Variants in NEU2 observed in about 807,000 individuals in gnomAD.
NEU2 encodes sialidase-2.
In NEU2, 7 loss-of-function variants were observed where a neutral mutation model predicts 6.3. The observed-to-expected ratio is 1.12, with a 90% CI of 0.63 to 2.10. NEU2 has a LOEUF of 2.10. Ranked by LOEUF, NEU2 falls within the 30% of genes most tolerant of loss-of-function variation. The pLI, the probability that NEU2 is intolerant of heterozygous loss-of-function variation, is 0.00. For synonymous variants in NEU2, 208 were observed against 223.3 expected (o/e 0.93, Z 0.61); for missense variants, 509 against 504.0 (o/e 1.01, Z -0.09).
intron 1 of NEU2, 59 bp downstream of exon 1, chr2:233,032,931 T>G: frequency 6.6e-7 from 1 of 1,509,252 alleles, no homozygotes; most frequent in Non-Finnish European, 9.0e-7. Flanking sequence ...TTTGCTGCTG[T>G]GATCAGGGGC....
Position 233,034,805 on chromosome 2 carries a change from C to T in NEU2, c.891C>T (p.His297=), listed in dbSNP as rs776052047. 176 of 1,579,778 alleles carry T rather than the reference C, an allele frequency of 1.1e-4. No homozygotes were observed. Among genetic ancestry groups the T allele is most frequent in the South Asian group, 2.2e-4 (19 of 84,742 alleles). ...CAGCCCAGTGGCTGCTCTACACTCA[C>T]CCCACACACTCCTGGCAGAGGGCCG... ...GSPAQWLLYT[H]PTHSWQRADL... is the part of the protein sequence containing the mutation. The change falls in exon 2 of 2, where the codon CAC becomes CAT. Residue 297 remains histidine (H), a synonymous_variant. Coordinates refer to ENST00000233840, the MANE Select transcript of NEU2 (RefSeq NM_005383.2). The surrounding 1 kb of genome is among the most constrained non-coding windows in gnomAD (Gnocchi z 4.8).
Position 233,034,383 on chromosome 2 carries a change from T to C in NEU2, c.469T>C (p.Phe157Leu), listed in dbSNP as rs925594210. ...IGPAYREWSTFAVGPGHCLQL... is the reference protein window; with the variant it reads ...IGPAYREWSTLAVGPGHCLQL... ...CCCAGCCTACCGGGAGTGGTCCACC[T>C]TTGCAGTGGGCCCGGGGCATTGTTT... The change falls in exon 2 of 2, where the codon TTT becomes CTT. Residue 157 changes from phenylalanine (F) to leucine (L), a missense_variant. Coordinates refer to ENST00000233840, the MANE Select transcript of NEU2 (RefSeq NM_005383.2). This position sits in a 1 kb window ranked among gnomAD's most constrained non-coding sequence, Gnocchi z 4.8. 5 of 1,613,850 alleles carry C rather than the reference T, an allele frequency of 3.1e-6. No homozygotes were observed. The East Asian group carries it at 1.1e-4, about 36-fold the overall frequency.
Position 233,033,000 on chromosome 2 carries a change from A to G in NEU2, c.201+128A>G, listed in dbSNP as rs1406344564. 11 of 1,015,762 alleles carry G rather than the reference A, an allele frequency of 1.1e-5. No homozygotes were observed. The African/African-American group carries it at 1.8e-4, about 16-fold the overall frequency. The allele number at this position is 1,015,762 out of a possible 1,614,324, so 62.9% of individuals were successfully genotyped here. ...TTATCCCTCAATGGCTGTACTCCGG[A>G]GGAGAGATAGAGCAGAGAAAGTGCC... On this transcript the variant is annotated intron_variant, in intron 1 of 1. Coordinates refer to ENST00000233840, the MANE Select transcript of NEU2 (RefSeq NM_005383.2).
At position 233,034,970 on chromosome 2, in the gene NEU2, T is replaced by C. The variant is rs1690571654; in HGVS notation, c.1056T>C (p.Cys352=). 1 of 1,614,170 alleles carries C rather than the reference T, an allele frequency of 6.2e-7. No individual in the cohort carries two copies. The highest frequency in any genetic ancestry group is 8.5e-7 in the Non-Finnish European group (1 of 1,180,014). The change falls in exon 2 of 2, where the codon TGT becomes TGC. Residue 352 remains cysteine, a synonymous_variant. Coordinates refer to ENST00000233840, the MANE Select transcript of NEU2 (RefSeq NM_005383.2). This position sits in a 1 kb window ranked among gnomAD's most constrained non-coding sequence, Gnocchi z 4.8. ...CTGATGGGTCCCCCTTGTTTGGGTG[T>C]CTGTACGAAGCCAATGATTACGAGG... ...TGPDGSPLFG[C]LYEANDYEEI... is the part of the protein sequence containing the mutation.
chr2:233,032,868 T>C lies in NEU2; in HGVS notation c.197T>C (p.Val66Ala). The C allele has an allele frequency of 1.3e-6, 2 of 1,595,404 alleles. No individual in the cohort carries two copies. The highest frequency in any genetic ancestry group is 2.2e-5 in the South Asian group (2 of 89,076). Residue 66 changes from valine (V) to alanine (A), a missense_variant, in exon 1 of 2, where the codon GTT becomes GCT. By Grantham distance (64) the Val-to-Ala change is moderately conservative. Coordinates refer to ENST00000233840, the MANE Select transcript of NEU2 (RefSeq NM_005383.2). ...RGDYDAPTHQ[V>A]QWQAQEVVAQ... ...GACTACGACGCACCCACCCACCAGG[T>C]TCAGGTGAGGCAGGAGGTGTCTGCA...
rs138984578 is a variant in NEU2 at position 233,034,524 on chromosome 2, C to T, written c.610C>T (p.Arg204Cys). 152 of 1,614,098 alleles carry T rather than the reference C, an allele frequency of 9.4e-5. No individual in the cohort carries two copies. The Middle Eastern group carries it at 2.3e-3, about 25-fold the overall frequency. Residue 204 changes from arginine (R) to cysteine (C), a missense_variant, in exon 2 of 2, where the codon CGC becomes TGC. Transcript: ENST00000233840. This position sits in a 1 kb window ranked among gnomAD's most constrained non-coding sequence, Gnocchi z 4.8. The stretch of plus-strand genomic sequence containing the variant: ...CTGCTTCCTCAGCCATGACCATGGG[C>T]GCACGTGGGCGCGAGGGCACTTTGT... ...AFCFLSHDHG[R>C]TWARGHFVAQ...
rs200637515 is a variant in NEU2, at chr2:233,034,873, C to A, written c.959C>A (p.Ala320Asp). The A allele has an allele frequency of 6.2e-7, 1 of 1,613,464 alleles. No homozygotes were observed. Among genetic ancestry groups the A allele is most frequent in the East Asian group, 2.2e-5 (1 of 44,884 alleles). ...AACCCGCGACCTCCAGCCCCTGAGG[C>A]CTGGTCAGAGCCGGTACTGCTGGCC... ...YLNPRPPAPE[A>D]WSEPVLLAKG... Residue 320 changes from alanine (A) to aspartate (D), a missense_variant, in exon 2 of 2, where the codon GCC (alanine) becomes GAC (aspartate). Coordinates refer to ENST00000233840, the MANE Select transcript of NEU2 (RefSeq NM_005383.2). The surrounding 1 kb of genome is among the most constrained non-coding windows in gnomAD (Gnocchi z 4.8).
chr2:233,032,703 G>C lies in NEU2; in HGVS notation c.32G>C (p.Ser11Thr), dbSNP rs1376356222. 9 of 1,614,122 alleles carry C rather than the reference G, an allele frequency of 5.6e-6. No homozygotes were observed. The highest frequency in any genetic ancestry group is 7.6e-6 in the Non-Finnish European group (9 of 1,180,060). ...TCCCTTCCTGTCCTGCAGAAGGAGAGCGTGTTCCAGTCGGGAGCCCATGCC... is the reference window on the plus strand; with the variant it reads ...TCCCTTCCTGTCCTGCAGAAGGAGACCGTGTTCCAGTCGGGAGCCCATGCC... Reference protein sequence around the residue: MASLPVLQKESVFQSGAHAYR... With the variant: MASLPVLQKETVFQSGAHAYR... The change falls in exon 1 of 2, where the codon AGC becomes ACC. Residue 11 changes from serine (S) to threonine (T), a missense_variant. Physicochemically the swap from Ser to Thr is moderately conservative, Grantham distance 58. Transcript: ENST00000233840.
In NEU2 at chr2:233,034,146, C is replaced by T. The variant is rs780414016; in HGVS notation, c.232C>T (p.Arg78Trp). 1.4e-5 allele frequency: 23 copies of T among 1,613,032 alleles called. No homozygotes were observed. Among genetic ancestry groups the T allele is most frequent in the East Asian group, 4.5e-5 (2 of 44,866 alleles). Residue 78 changes from arginine to tryptophan, a missense_variant, in exon 2 of 2, where the codon CGG becomes TGG. By Grantham distance (101) the Arg-to-Trp change is moderately radical. Transcript: ENST00000233840. The surrounding 1 kb of genome is among the most constrained non-coding windows in gnomAD (Gnocchi z 4.8). ...WQAQEVVAQA[R>W]LDGHRSMNPC... ...AGCTCAGGAGGTGGTGGCCCAGGCC[C>T]GGCTGGATGGCCACCGGTCCATGAA...
Position 233,034,840 on chromosome 2 carries a change from C to T in NEU2, c.926C>T (p.Ala309Val). The T allele has an allele frequency of 6.2e-7, 1 of 1,606,316 alleles. No homozygotes were observed. Among genetic ancestry groups the T allele is most frequent in the Non-Finnish European group, 8.5e-7 (1 of 1,175,352 alleles). Reference sequence around the variant, plus strand: ...TCCTGGCAGAGGGCCGACCTGGGTGCCTACCTCAACCCGCGACCTCCAGCC... The same window carrying T: ...TCCTGGCAGAGGGCCGACCTGGGTGTCTACCTCAACCCGCGACCTCCAGCC... ...THSWQRADLG[A>V]YLNPRPPAPE... The change falls in exon 2 of 2, where the codon GCC becomes GTC. Residue 309 changes from alanine (A) to valine (V), a missense_variant. By Grantham distance (64) the Ala-to-Val change is moderately conservative (BLOSUM62 0). Transcript: ENST00000233840. This position sits in a 1 kb window ranked among gnomAD's most constrained non-coding sequence, Gnocchi z 4.8.
rs934377406 is a variant in NEU2, at chr2:233,034,236, C to T, written c.322C>T (p.Gln108Ter). The change falls in exon 2 of 2, where the codon CAA (glutamine) becomes TAA (stop). Residue 108 changes from glutamine (Q) to a stop codon, truncating the protein, a stop_gained. Transcript: ENST00000233840. LOFTEE classifies it low-confidence loss of function (END_TRUNC). This position sits in a 1 kb window ranked among gnomAD's most constrained non-coding sequence, Gnocchi z 4.8. ...LFLFFIAIPG[Q>*]VTEQQQLQTR... The stretch of plus-strand genomic sequence containing the variant: ...CCTCTTCTTCATTGCCATCCCTGGG[C>T]AAGTCACGGAGCAACAGCAGCTGCA... The T allele has an allele frequency of 6.2e-6, 10 of 1,614,204 alleles. No homozygotes were observed. Among genetic ancestry groups the T allele is most frequent in the Non-Finnish European group, 7.6e-6 (9 of 1,180,042 alleles).
Position 233,035,015 on chromosome 2 carries a change from C to T in NEU2, c.1101C>T (p.Phe367=). Reference sequence around the variant, plus strand: ...ACGAGGAGATTGTCTTTCTCATGTTCACCCTGAAGCAAGCCTTCCCAGCTG... The same window carrying T: ...ACGAGGAGATTGTCTTTCTCATGTTTACCCTGAAGCAAGCCTTCCCAGCTG... ...NDYEEIVFLM[F]TLKQAFPAEY... is the part of the protein sequence containing the mutation. Residue 367 remains phenylalanine (F), a synonymous_variant, in exon 2 of 2, where the codon TTC becomes TTT. Transcript: ENST00000233840. 1 of 1,611,724 alleles carries T rather than the reference C, an allele frequency of 6.2e-7. No homozygotes were observed. Among genetic ancestry groups the T allele is most frequent in the Non-Finnish European group, 8.5e-7 (1 of 1,178,528 alleles).
At chr2:233,033,486 G>A (rs975534292) in intron 1 of NEU2, among the ~76,000 whole-genome samples, 1 of 152,092 alleles carries the variant, frequency 6.6e-6, no homozygotes, top group Non-Finnish European at 1.5e-5. Flanking sequence ...TGTTCCCTGG[G>A]GATTGAGGCA....
Position 233,034,864 on chromosome 2 carries a change from C to T in NEU2, c.950C>T (p.Ala317Val), listed in dbSNP as rs1343755723. The T allele has an allele frequency of 2.5e-6, 4 of 1,612,128 alleles. No homozygotes were observed. Among genetic ancestry groups the T allele is most frequent in the Non-Finnish European group, 2.5e-6 (3 of 1,178,932 alleles). ...GCCTACCTCAACCCGCGACCTCCAG[C>T]CCCTGAGGCCTGGTCAGAGCCGGTA... is the stretch of plus-strand genomic sequence containing the variant. ...LGAYLNPRPPAPEAWSEPVLL... is the reference protein window; with the variant it reads ...LGAYLNPRPPVPEAWSEPVLL... The change falls in exon 2 of 2, where the codon GCC becomes GTC. Residue 317 changes from alanine to valine, a missense_variant. Transcript: ENST00000233840. The surrounding 1 kb of genome is among the most constrained non-coding windows in gnomAD (Gnocchi z 4.8).
At position 233,035,025 on chromosome 2, in the gene NEU2, C is replaced by G. The variant is rs553987242; in HGVS notation, c.1111C>G (p.Gln371Glu). The G allele has an allele frequency of 1.9e-6, 3 of 1,608,694 alleles. No individual in the cohort carries two copies. The highest frequency in any genetic ancestry group is 2.7e-5 in the African/African-American group (2 of 74,992). The change falls in exon 2 of 2, where the codon CAA becomes GAA. Residue 371 changes from glutamine (Q) to glutamate (E), a missense_variant. Physicochemically the swap from Gln to Glu is conservative, Grantham distance 29 (BLOSUM62 2). Transcript: ENST00000233840. ...EIVFLMFTLKQAFPAEYLPQ is the reference protein window; with the variant it reads ...EIVFLMFTLKEAFPAEYLPQ The stretch of plus-strand genomic sequence containing the variant: ...TGTCTTTCTCATGTTCACCCTGAAG[C>G]AAGCCTTCCCAGCTGAGTACCTGCC...
chr2:233,033,213 G>T (rs964522316), intron 1 of NEU2, among the ~76,000 whole-genome samples: 11 of 152,146 alleles, frequency 7.2e-5, no homozygotes, highest in Non-Finnish European at 1.3e-4. Flanking sequence ...TGGGGTGATG[G>T]CTTGTGTCCT....
In NEU2 at chr2:233,034,304, T is replaced by A; in HGVS notation, c.390T>A (p.Thr130=). The A allele has an allele frequency of 6.2e-7, 1 of 1,614,148 alleles. No homozygotes were observed. Among genetic ancestry groups the A allele is most frequent in the Non-Finnish European group, 8.5e-7 (1 of 1,180,022 alleles). The change falls in exon 2 of 2, where the codon ACT becomes ACA. Residue 130 remains threonine, a synonymous_variant. Transcript: ENST00000233840. This position sits in a 1 kb window ranked among gnomAD's most constrained non-coding sequence, Gnocchi z 4.8. ...CGCGGCTGTGCCAAGTCACCAGCAC[T>A]GACCACGGGAGGACCTGGAGCTCCC... ...NVTRLCQVTS[T]DHGRTWSSPR... is the part of the protein sequence containing the mutation.
rs776036118 is a variant in NEU2 at position 233,032,733 on chromosome 2, G to A, written c.62G>A (p.Arg21Lys). 21 of 1,614,228 alleles carry A rather than the reference G, an allele frequency of 1.3e-5. No individual in the cohort carries two copies. The East Asian group carries it at 4.5e-4, about 34-fold the overall frequency. ...SVFQSGAHAY[R>K]IPALLYLPGQ... is the part of the protein sequence containing the mutation. ...TTCCAGTCGGGAGCCCATGCCTACA[G>A]AATCCCTGCCCTGCTCTACCTGCCT... The change falls in exon 1 of 2, where the codon AGA becomes AAA. Residue 21 changes from arginine to lysine, a missense_variant. By Grantham distance (26) the Arg-to-Lys change is conservative. Transcript: ENST00000233840.
chr2:233,034,480 G>T lies in NEU2; in HGVS notation c.566G>T (p.Arg189Met), dbSNP rs1466363710. ...TACCGGAAACTTCACCCCATCCAAA[G>T]GCCGATCCCCTCTGCCTTCTGCTTC... ...YAYRKLHPIQ[R>M]PIPSAFCFLS... Residue 189 changes from arginine (R) to methionine (M), a missense_variant, in exon 2 of 2, where the codon AGG becomes ATG. Transcript: ENST00000233840. This position sits in a 1 kb window ranked among gnomAD's most constrained non-coding sequence, Gnocchi z 4.8. 1 of 1,614,150 alleles carries T rather than the reference G, an allele frequency of 6.2e-7. No homozygotes were observed. The highest frequency in any genetic ancestry group is 1.1e-5 in the South Asian group (1 of 91,086).
Sources: allele counts gnomAD v4.1 joint callset (sites outside exome capture counted in the v4.1 genomes callset), GRCh38; gene constraint gnomAD v4.1.1; non-coding constraint Gnocchi (gnomAD v3.1); transcripts MANE v1.5; gene names NCBI Gene and HGNC (gene_info 2026-07-23, HGNC 2026-07-21).